The following ZNF83 variants were observed in gnomAD, a reference collection of about 807,000 sequenced individuals.
ZNF83 encodes the protein zinc finger protein 816B.
For synonymous variants in ZNF83, 209 were observed against 213.0 expected, an observed-to-expected ratio of 0.98 and a Z score of 0.17; for missense variants, 552 against 629.9, an observed-to-expected ratio of 0.88 and a Z score of 1.32.
chr19:52,613,898 G>A, exon 3 of ZNF83: 1 of 1,613,852 alleles, frequency 6.2e-7, no homozygotes, highest in Non-Finnish European at 8.5e-7. Flanking sequence ...ATTGTCCGAT[G>A]TTGTGCAAGG....
At chr19:52,640,829 T>A (rs329955), upstream of ZNF83, among the ~76,000 whole-genome samples, 5 of 152,064 alleles carry the variant, frequency 3.3e-5, no homozygotes, top group Non-Finnish European at 5.9e-5. Flanking sequence ...AGTACAGGTG[T>A]CCTACTACAA....
intron 3 of ZNF83, among the ~76,000 whole-genome samples, chr19:52,643,923 T>G (rs556093787): frequency 3.3e-5 from 5 of 152,122 alleles, no homozygotes; most frequent in Admixed American, 6.5e-5. Context: ...CAACTGTGAC[T>G]GGGGCAGAGG....
chr19:52,652,863 A>C, intron 3 of ZNF83: 1 of 1,001,680 alleles, frequency 1.0e-6, no homozygotes, highest in Non-Finnish European at 1.6e-6. Context: ...ATGACATATG[A>C]CTGAAGGTCT....
Position 52,619,054 on chromosome 19 carries a change from C to T in ZNF83, c.-233-4257G>A, listed in dbSNP as rs2060431635. 11 of 1,612,780 alleles carry T rather than the reference C, an allele frequency of 6.8e-6. 1 individual carries two copies. The highest frequency in any genetic ancestry group is 7.6e-6 in the Non-Finnish European group (9 of 1,179,482). On this transcript the variant is annotated intron_variant, in intron 2 of 2. Transcript: ENST00000301096. ...ATTCTATGGCCACATCCCTGAATGT[C>T]AATAGACCCTGAAATGAAAACACAT...
chr19:52,672,600 GTTAC>G (rs754788583), intron 1 of ZNF83, among the ~76,000 whole-genome samples: 28 of 152,236 alleles, frequency 1.8e-4, no homozygotes, highest in Non-Finnish European at 3.1e-4. Context: ...AATTAATTAA[GTTAC>G]TTATTTATTT....
chr19:52,613,749 A>T (rs199821089), exon 3 of ZNF83: 1 of 1,102,624 alleles, frequency 9.1e-7, no homozygotes, highest in South Asian at 1.4e-5. Flanking sequence ...GGTGTGAAAT[A>T]TGATGGAAGA....
At chr19:52,677,329 A>AAAAAT (rs1555791128) in intron 1 of ZNF83, among the ~76,000 whole-genome samples, 1 of 129,112 alleles carries the variant, frequency 7.7e-6, no homozygotes, top group Admixed American at 8.0e-5. Flanking sequence ...AAAAAAAAAA[A>AAAAAT]ACAAAAATTA....
chr19:52,688,337 AT>A (rs772311727), intron 1 of ZNF83, among the ~76,000 whole-genome samples: 3,312 of 139,224 alleles, frequency 0.024, 90 homozygotes, highest in African/African-American at 0.068. Context: ...TACCCGATTA[AT>A]TTTTTTTTTT....
chr19:52,671,824 G>A (rs924540506), intron 1 of ZNF83, among the ~76,000 whole-genome samples: 1 of 152,286 alleles, frequency 6.6e-6, no homozygotes, highest in Admixed American at 6.5e-5. Context: ...TATAAAATAT[G>A]CAGTCTTTAA....
intron 3 of ZNF83, chr19:52,655,161 T>G (rs1305832976): frequency 2.2e-5 from 4 of 185,406 alleles, no homozygotes; most frequent in Admixed American, 1.1e-4. Flanking sequence ...CACTCCAGCC[T>G]GAGCAAGAGA....
chr19:52,676,989 C>CGGAA (rs2061823138), intron 1 of ZNF83, among the ~76,000 whole-genome samples: 1 of 144,636 alleles, frequency 6.9e-6, no homozygotes, highest in Admixed American at 7.0e-5. Flanking sequence ...ACAAACACTG[C>CGGAA]GGAAGGCCGC....
chr19:52,684,717 G>A (rs2061984998), intron 1 of ZNF83, among the ~76,000 whole-genome samples: 1 of 152,146 alleles, frequency 6.6e-6, no homozygotes, highest in Non-Finnish European at 1.5e-5. Flanking sequence ...AGGAGAAAGG[G>A]ACAATGCAGT....
chr19:52,644,962 A>G lies in ZNF83; in HGVS notation c.-73-9809T>C, dbSNP rs574664548. Among the ~76,000 whole-genome samples the G allele has an allele frequency of 8.0e-5, 12 of 149,442 alleles. No individual in the cohort carries two copies. The South Asian group carries it at 2.5e-3, about 32-fold the overall frequency. ...GAGGAGGAGGTTGTGGTGAGCTGAG[A>G]TCTCACCATTGCACTCCAGTCTGGG... is the stretch of plus-strand genomic sequence containing the variant. On this transcript the variant is annotated intron_variant, in intron 3 of 5. Coordinates refer to the ZNF83 transcript ENST00000594682.
intron 1 of ZNF83, among the ~76,000 whole-genome samples, chr19:52,685,108 C>G (rs951218682): frequency 3.0e-4 from 45 of 152,158 alleles, no homozygotes; most frequent in Non-Finnish European, 8.8e-5. Context: ...ATTTAAAATT[C>G]TAGTTACAAC....
intron 1 of ZNF83, among the ~76,000 whole-genome samples, chr19:52,670,730 G>A (rs1449950471): frequency 3.3e-5 from 5 of 152,126 alleles, no homozygotes; most frequent in Admixed American, 6.5e-5. Flanking sequence ...TTTTAGGGAG[G>A]CATTAGACAT....
In ZNF83 at chr19:52,677,329, A is replaced by AAAAAAAAT. The variant is rs1555791128; in HGVS notation, c.-283+13113_-283+13114insATTTTTTT. The stretch of plus-strand genomic sequence containing the variant: ...AGTAAAAAAAAAAAAAAAAAAAAAA[A>AAAAAAAAT]ACAAAAATTAGCCGGGTGTGGTGGT... On this transcript the variant is annotated intron_variant, in intron 1 of 5. Transcript: ENST00000594682. 3.3e-4 allele frequency among the ~76,000 whole-genome samples: 42 copies of AAAAAAAAT among 129,070 alleles called. 1 individual carries two copies. The highest frequency in any genetic ancestry group is 6.7e-4 in the East Asian group (3 of 4,450). 84.7% of individuals were successfully genotyped at this position (129,070 alleles called of 152,430 possible). A position where few individuals can be genotyped will look rare whatever the true frequency, so the allele number is the denominator to read the frequency against.
chr19:52,649,974 CA>C (rs1287397106), intron 3 of ZNF83, among the ~76,000 whole-genome samples: 2 of 152,022 alleles, frequency 1.3e-5, no homozygotes, highest in Non-Finnish European at 2.9e-5. Context: ...AGATATGAGA[CA>C]GGGGGGCCAC....
chr19:52,671,087 C>T (rs1456020434), intron 1 of ZNF83, among the ~76,000 whole-genome samples: 2 of 152,150 alleles, frequency 1.3e-5, no homozygotes, highest in African/African-American at 4.8e-5. Flanking sequence ...TTTGCAGACG[C>T]ACATGAACCC....
At chr19:52,650,635 T>C (rs1288644651) in intron 3 of ZNF83, 1 of 152,142 alleles carries the variant, frequency 6.6e-6, no homozygotes, top group East Asian at 1.9e-4. Flanking sequence ...AAATTGTTTA[T>C]TAGAAGAACT....
Sources: gnomAD v4.1 joint callset for allele counts (sites outside exome capture counted in the v4.1 genomes callset) on GRCh38, gnomAD v4.1.1 for gene constraint, MANE v1.5 for transcripts, NCBI Gene and HGNC (gene_info 2026-07-23, HGNC 2026-07-21) for gene names.